Variants in CNTNAP5 observed in about 807,000 individuals in gnomAD.
CNTNAP5 encodes the protein contactin-associated protein-like 5.
A neutral mutation model predicts 150.2 loss-of-function variants in CNTNAP5; 72 were observed. That is an observed-to-expected ratio of 0.48 (90% CI 0.40 to 0.58). The LOEUF (loss-of-function observed/expected upper bound fraction) is 0.58, where lower values mean the gene tolerates loss of function less well. Among genes scored for constraint, CNTNAP5 ranks in the 20% least tolerant of loss-of-function variants. The pLI is 0.00. For missense variants in CNTNAP5, 1,636 were observed against 1,626.2 expected, an observed-to-expected ratio of 1.01 and a Z score of -0.10; for synonymous variants, 672 against 619.8, an observed-to-expected ratio of 1.08 and a Z score of -1.25.
intron 3 of CNTNAP5, among the ~76,000 whole-genome samples, chr2:124,336,631 T>A (rs1689478808): frequency 6.7e-6 from 1 of 149,778 alleles, no homozygotes; most frequent in Non-Finnish European, 1.5e-5. Flanking sequence ...AGTGTTTGGT[T>A]TTTTGTCCTT....
Position 124,451,144 on chromosome 2 carries a change from G to A in CNTNAP5, c.918+4207G>A, listed in dbSNP as rs570444295. On this transcript the variant is annotated intron_variant, in intron 6 of 23. Coordinates refer to ENST00000682447, the MANE Select transcript of CNTNAP5 (RefSeq NM_001367498.1). ...ACAAATATATAATGTATATGTATAT[G>A]CACATACATATTTGATTTACATATT... is the stretch of plus-strand genomic sequence containing the variant. Among the ~76,000 whole-genome samples the A allele has an allele frequency of 1.8e-4, 24 of 134,210 alleles. No homozygotes were observed. The East Asian group carries it at 5.3e-3, about 30-fold the overall frequency. 88.0% of individuals were successfully genotyped at this position (134,210 alleles called of 152,430 possible). A position where few individuals can be genotyped will look rare whatever the true frequency, so the allele number is the denominator to read the frequency against.
intron 5 of CNTNAP5, among the ~76,000 whole-genome samples, chr2:124,442,622 C>A (rs1692702075): frequency 6.6e-6 from 1 of 151,982 alleles, no homozygotes; most frequent in Non-Finnish European, 1.5e-5. Context: ...TAAGGAGAAC[C>A]TTTTAAACTA....
At chr2:124,398,367 TG>T (rs1691312838) in intron 3 of CNTNAP5, among the ~76,000 whole-genome samples, 2 of 152,146 alleles carry the variant, frequency 1.3e-5, no homozygotes, top group African/African-American at 4.8e-5. Context: ...CTGTTGCCTT[TG>T]GGGGAACATC....
At chr2:124,238,533 T>C (rs2104762253) in intron 2 of CNTNAP5, among the ~76,000 whole-genome samples, 1 of 152,332 alleles carries the variant, frequency 6.6e-6, no homozygotes, top group East Asian at 1.9e-4. Flanking sequence ...ATTCCAGATG[T>C]TCTCTAAGGT....
At chr2:124,043,939 A>T (rs1391535038) in intron 1 of CNTNAP5, among the ~76,000 whole-genome samples, 1 of 152,154 alleles carries the variant, frequency 6.6e-6, no homozygotes, top group Non-Finnish European at 1.5e-5. Context: ...TCTTACCTTT[A>T]TCTGCCCAGA....
intron 3 of CNTNAP5, among the ~76,000 whole-genome samples, chr2:124,264,779 G>A (rs1210709019): frequency 1.3e-5 from 2 of 152,200 alleles, no homozygotes; most frequent in African/African-American, 4.8e-5. Flanking sequence ...GCCGACAGCA[G>A]CTCTGGTCAT....
At chr2:124,122,128 T>C (rs1175703564) in intron 1 of CNTNAP5, among the ~76,000 whole-genome samples, 2 of 152,136 alleles carry the variant, frequency 1.3e-5, no homozygotes, top group African/African-American at 4.8e-5. Context: ...ACAGTGGTCT[T>C]ATTTCTTCCT....
At position 124,474,862 on chromosome 2, in the gene CNTNAP5, A is replaced by C; in HGVS notation, c.1042A>C (p.Lys348Gln). 6.2e-7 allele frequency: 1 copy of C among 1,606,694 alleles called. No homozygotes were observed. Among genetic ancestry groups the C allele is most frequent in the Non-Finnish European group, 8.5e-7 (1 of 1,177,636 alleles). ...VNIIDLAKRR[K>Q]HQIYTVGNVT... ...CATAATTGACCTGGCTAAGAGACGA[A>C]AGCATCAGATCTATACTGTGGTAAG... The change falls in exon 7 of 24, where the codon AAG becomes CAG. Residue 348 changes from lysine (K) to glutamine (Q), a missense_variant. By Grantham distance (53) the Lys-to-Gln change is moderately conservative. Coordinates refer to ENST00000682447, the MANE Select transcript of CNTNAP5 (RefSeq NM_001367498.1).
rs756200004 is a variant in CNTNAP5, at chr2:124,647,889, G to A, written c.2008G>A (p.Asp670Asn). The change falls in exon 13 of 24, where the codon GAC becomes AAC. Residue 670 changes from aspartate (D) to asparagine (N), a missense_variant. Asp to Asn is a conservative substitution (Grantham distance 23, BLOSUM62 1). Transcript: ENST00000682447. The part of the protein sequence containing the change: ...GSMEQLEAVI[D>N]GSEHCEQEVA... ...CATGGAACAGCTGGAGGCCGTGATCGACGGCTCTGAGCACTGTGAGCAGGA... is the reference window on the plus strand; with the variant it reads ...CATGGAACAGCTGGAGGCCGTGATCAACGGCTCTGAGCACTGTGAGCAGGA... The A allele has an allele frequency of 1.7e-5, 27 of 1,611,970 alleles. No homozygotes were observed. Among genetic ancestry groups the A allele is most frequent in the Middle Eastern group, 1.7e-4 (1 of 5,900 alleles).
At chr2:124,523,227 T>C (rs1204234951) in intron 8 of CNTNAP5, among the ~76,000 whole-genome samples, 2 of 152,190 alleles carry the variant, frequency 1.3e-5, no homozygotes, top group South Asian at 4.1e-4. Flanking sequence ...ACTGGCGTAA[T>C]TCTCACAATG....
intron 1 of CNTNAP5, among the ~76,000 whole-genome samples, chr2:124,178,268 T>G (rs889196947): frequency 3.9e-5 from 6 of 152,238 alleles, no homozygotes; most frequent in Non-Finnish European, 8.8e-5. Context: ...GAACTCACTG[T>G]ACGTGTAGAA....
intron 10 of CNTNAP5, among the ~76,000 whole-genome samples, chr2:124,533,136 T>G (rs1695148127): frequency 6.6e-6 from 1 of 151,928 alleles, no homozygotes; most frequent in Non-Finnish European, 1.5e-5. Context: ...CTCATAAATT[T>G]AGGTGCCAAG....
At chr2:124,648,332 A>T (rs528353130) in intron 13 of CNTNAP5, among the ~76,000 whole-genome samples, 47 of 152,252 alleles carry the variant, frequency 3.1e-4, no homozygotes, top group African/African-American at 1.1e-3. Context: ...ATAGAGCTTG[A>T]TAAGGCACCA....
At chr2:124,604,003 C>T (rs975324304) in intron 11 of CNTNAP5, among the ~76,000 whole-genome samples, 3 of 152,142 alleles carry the variant, frequency 2.0e-5, no homozygotes, top group Non-Finnish European at 2.9e-5. Flanking sequence ...AGACATTCCA[C>T]TTTCATTCTG....
rs767269123 is a variant in CNTNAP5 at position 124,647,957 on chromosome 2, G to A, written c.2076G>A (p.Pro692=). The change falls in exon 13 of 24, where the codon CCG becomes CCA. Residue 692 remains proline, a splice_region_variant and synonymous_variant. Coordinates refer to ENST00000682447, the MANE Select transcript of CNTNAP5 (RefSeq NM_001367498.1). The part of the protein sequence containing the change: ...HCRRSRLLNT[P]DGTPFTWWIG... ...GGAGGTCCCGCCTGCTCAACACGCC[G>A]GGTAAGGCCTCTGCATGCATGACCA... 58 of 1,593,702 alleles carry A rather than the reference G, an allele frequency of 3.6e-5. No homozygotes were observed. Among genetic ancestry groups the A allele is most frequent in the South Asian group, 9.1e-5 (8 of 88,118 alleles).
At chr2:124,164,192 C>A (rs1333618723) in intron 1 of CNTNAP5, among the ~76,000 whole-genome samples, 1 of 152,174 alleles carries the variant, frequency 6.6e-6, no homozygotes, top group Non-Finnish European at 1.5e-5. Context: ...GCAACGCTGC[C>A]ATGAACACGC....
chr2:124,027,414 A>G (rs1680925203), intron 1 of CNTNAP5, among the ~76,000 whole-genome samples: 2 of 152,228 alleles, frequency 1.3e-5, no homozygotes, highest in Admixed American at 1.3e-4. Context: ...GAATACTTTG[A>G]AAAGCCACAA....
intron 21 of CNTNAP5, among the ~76,000 whole-genome samples, chr2:124,893,591 T>C (rs1402803223): frequency 6.6e-6 from 1 of 152,144 alleles, no homozygotes; most frequent in Non-Finnish European, 1.5e-5. Context: ...GAGCAATAAC[T>C]ACAAAGGGCA....
chr2:124,446,793 C>T lies in CNTNAP5; in HGVS notation c.774C>T (p.Ala258=). 6.2e-7 allele frequency: 1 copy of T among 1,613,886 alleles called. No homozygotes were observed. The highest frequency in any genetic ancestry group is 1.1e-5 in the South Asian group (1 of 91,078). Residue 258 remains alanine (A), a synonymous_variant, in exon 6 of 24, where the codon GCC becomes GCT. Transcript: ENST00000682447. Reference sequence around the variant, plus strand: ...GGCTCAGCAGCAGCTTGCCCTCTGCCACCCTGGGCAGCCTCCTGGATGACC... The same window carrying T: ...GGCTCAGCAGCAGCTTGCCCTCTGCTACCCTGGGCAGCCTCCTGGATGACC... ...KARLSSSLPS[A]TLGSLLDDQH...
Sources: allele counts gnomAD v4.1 joint callset (sites outside exome capture counted in the v4.1 genomes callset), GRCh38; gene constraint gnomAD v4.1.1; transcripts MANE v1.5; gene names NCBI Gene and HGNC (gene_info 2026-07-23, HGNC 2026-07-21).